The following ADAMTS6 variants were observed in gnomAD, a reference collection of about 807,000 sequenced individuals.
The protein encoded by ADAMTS6 is A disintegrin and metalloproteinase with thrombospondin motifs 6.
Under a neutral mutation model 144.3 loss-of-function variants are expected in ADAMTS6, and 23 were observed. The observed-to-expected ratio is 0.16, with a 90% confidence interval of 0.11 to 0.23. ADAMTS6 has a LOEUF of 0.23. ADAMTS6 is among the 10% of genes least tolerant of loss of function. The pLI is 1.00. For missense variants in ADAMTS6, 999 were observed against 1,379.6 expected (o/e 0.72, Z 4.37); for synonymous variants, 444 against 457.5 (o/e 0.97, Z 0.38).
intron 22 of ADAMTS6, among the ~76,000 whole-genome samples, chr5:65,185,034 G>A (rs988369935): frequency 6.6e-6 from 1 of 152,086 alleles, no homozygotes; most frequent in African/African-American, 2.4e-5. Flanking sequence ...GGTTTTCATG[G>A]GTGTGTCAAA....
chr5:65,328,312 T>C (rs888718073), intron 9 of ADAMTS6, among the ~76,000 whole-genome samples: 1 of 152,078 alleles, frequency 6.6e-6, no homozygotes, highest in African/African-American at 2.4e-5. Context: ...ATAAAAAACA[T>C]TGATTTTTAT....
chr5:65,308,036 A>G (rs540564593), intron 9 of ADAMTS6, among the ~76,000 whole-genome samples: 25 of 152,348 alleles, frequency 1.6e-4, no homozygotes, highest in African/African-American at 2.9e-4. Flanking sequence ...CTGATGCCAG[A>G]CCAAACTAGT....
chr5:65,331,543 C>G (rs1412813205), intron 8 of ADAMTS6, among the ~76,000 whole-genome samples: 2 of 151,910 alleles, frequency 1.3e-5, no homozygotes, highest in Admixed American at 1.3e-4. Flanking sequence ...TTTTCACAAC[C>G]CCCCACAATT....
chr5:65,354,957 T>A (rs1248454708), intron 7 of ADAMTS6, among the ~76,000 whole-genome samples: 1 of 151,844 alleles, frequency 6.6e-6, no homozygotes, highest in African/African-American at 2.4e-5. Flanking sequence ...TGAAGGCATA[T>A]TTGGCTTGTA....
At chr5:65,238,346 T>C (rs1174208608) in intron 15 of ADAMTS6, among the ~76,000 whole-genome samples, 1 of 152,184 alleles carries the variant, frequency 6.6e-6, no homozygotes, top group Non-Finnish European at 1.5e-5. Context: ...GCTGGATGTG[T>C]AATTCCAACA....
At chr5:65,370,532 C>T (rs1750772559) in intron 7 of ADAMTS6, among the ~76,000 whole-genome samples, 1 of 152,164 alleles carries the variant, frequency 6.6e-6, no homozygotes, top group African/African-American at 2.4e-5. Context: ...CCTGGAAAGT[C>T]GGGTCACTCC....
intron 7 of ADAMTS6, among the ~76,000 whole-genome samples, chr5:65,373,009 T>G (rs1243808142): frequency 6.6e-6 from 1 of 152,234 alleles, no homozygotes; most frequent in African/African-American, 2.4e-5. Flanking sequence ...GAATGACTAC[T>G]GGGTACGTAA....
intron 17 of ADAMTS6, 132 bp downstream of exon 17, chr5:65,224,792 G>T: frequency 1.8e-6 from 2 of 1,090,654 alleles, no homozygotes; most frequent in Non-Finnish European, 2.6e-6. Context: ...TAAAATGACT[G>T]AAAGCAATTT....
chr5:65,379,385 A>G (rs1261714718), intron 7 of ADAMTS6, among the ~76,000 whole-genome samples: 2 of 152,218 alleles, frequency 1.3e-5, no homozygotes, highest in South Asian at 2.1e-4. Context: ...TAACTTCTAC[A>G]TATGTAAACA....
chr5:65,381,387 G>C (rs1045152340), intron 7 of ADAMTS6, among the ~76,000 whole-genome samples: 4 of 150,964 alleles, frequency 2.6e-5, no homozygotes, highest in Non-Finnish European at 5.9e-5. Flanking sequence ...TTTTGAGATG[G>C]AGTCTCACTC....
intron 7 of ADAMTS6, among the ~76,000 whole-genome samples, chr5:65,372,170 G>A (rs1008279804): frequency 1.4e-5 from 2 of 141,146 alleles, no homozygotes; most frequent in African/African-American, 6.1e-5. Context: ...GCAAAATCAT[G>A]CCAAAATGTA....
chr5:65,156,995 A>T (rs945309862), intron 24 of ADAMTS6, among the ~76,000 whole-genome samples: 2 of 152,372 alleles, frequency 1.3e-5, no homozygotes, highest in East Asian at 1.9e-4. Context: ...TTTACCCAGG[A>T]CTAGAGACTT....
At chr5:65,454,233 C>T (rs778490209) in intron 4 of ADAMTS6, among the ~76,000 whole-genome samples, 6 of 152,192 alleles carry the variant, frequency 3.9e-5, no homozygotes, top group Non-Finnish European at 5.9e-5. Flanking sequence ...GCTAAGTAAA[C>T]TTTCATTGTT....
intron 14 of ADAMTS6, chr5:65,256,257 G>A (rs539514363): frequency 7.9e-5 from 12 of 152,244 alleles, no homozygotes; most frequent in East Asian, 5.8e-4. Context: ...AGTGGCTATC[G>A]GGCTGGACAG....
chr5:65,450,266 TCAC>T (rs1758631580), intron 7 of ADAMTS6, among the ~76,000 whole-genome samples: 1 of 152,166 alleles, frequency 6.6e-6, no homozygotes, highest in Non-Finnish European at 1.5e-5. Context: ...CCAAATTTTC[TCAC>T]CAATGATGCC....
chr5:65,215,636 G>A (rs996995016), intron 18 of ADAMTS6, 149 bp from the exon 19 acceptor site: 10 of 654,832 alleles, frequency 1.5e-5, no homozygotes, highest in Middle Eastern at 4.3e-4. Flanking sequence ...AAATTAAAAT[G>A]GTATTTTTCA....
intron 7 of ADAMTS6, among the ~76,000 whole-genome samples, chr5:65,405,167 A>T (rs1395365425): frequency 2.0e-5 from 3 of 152,136 alleles, no homozygotes; most frequent in Admixed American, 6.5e-5. Context: ...CCAATTGTCA[A>T]TTTTGGCTTT....
At position 65,152,989 on chromosome 5, in the gene ADAMTS6, T is replaced by C. The variant is rs143736265; in HGVS notation, c.3245-1044A>G. Among the ~76,000 whole-genome samples, 130 of 152,286 alleles carry C rather than the reference T, an allele frequency of 8.5e-4. No individual in the cohort carries two copies. In the East Asian group the frequency reaches 0.024, roughly 28 times the overall value. On this transcript the variant is annotated intron_variant, in intron 24 of 24. Coordinates refer to ENST00000381055, the MANE Select transcript of ADAMTS6 (RefSeq NM_197941.4). ...AGGAATCAGGCTGGGCAGTGGGTAA[T>C]GTTCAGTGTTACAGACAGTTTTTGT...
At chr5:65,253,612 T>A (rs1414722674) in intron 14 of ADAMTS6, among the ~76,000 whole-genome samples, 1 of 152,082 alleles carries the variant, frequency 6.6e-6, no homozygotes, top group Non-Finnish European at 1.5e-5. Context: ...GTATATTCTT[T>A]TAAATCCTTT....
Sources: gnomAD v4.1 joint callset for allele counts (sites outside exome capture counted in the v4.1 genomes callset) on GRCh38, gnomAD v4.1.1 for gene constraint, MANE v1.5 for transcripts, NCBI Gene and HGNC (gene_info 2026-07-23, HGNC 2026-07-21) for gene names.